ZMYND12: variants seen among roughly 807,000 people sequenced by gnomAD.
ZMYND12 encodes zinc finger MYND-type containing 12, also known as zinc finger MYND domain-containing protein 12.
ZMYND12 carries 32 observed loss-of-function variants against 41.7 expected under a neutral mutation model. That is an observed-to-expected ratio of 0.77 (90% confidence interval 0.58 to 1.03). The LOEUF (loss-of-function observed/expected upper bound fraction) is 1.03. ZMYND12 is among the 50% of genes least tolerant of loss of function. The pLI, the probability that ZMYND12 is intolerant of heterozygous loss-of-function variation, is 0.00. For missense variants in ZMYND12, 424 were observed against 438.5 expected (o/e 0.97, Z 0.30); for synonymous variants, 148 against 164.8 (o/e 0.90, Z 0.78).
intron 3 of ZMYND12, among the ~76,000 whole-genome samples, chr1:42,441,919 C>T (rs1041725607): frequency 6.6e-6 from 1 of 152,162 alleles, no homozygotes; most frequent in Admixed American, 6.5e-5. Context: ...CGCACCCGGC[C>T]GTATTGTTTT....
At chr1:42,441,689 C>T (rs1344045927) in intron 3 of ZMYND12, among the ~76,000 whole-genome samples, 3 of 151,872 alleles carry the variant, frequency 2.0e-5, no homozygotes, top group African/African-American at 4.8e-5. Flanking sequence ...GGCGGGATCT[C>T]GGCTCACTGC....
intron 3 of ZMYND12, among the ~76,000 whole-genome samples, chr1:42,447,685 G>C (rs987713014): frequency 6.6e-6 from 1 of 152,124 alleles, no homozygotes; most frequent in Non-Finnish European, 1.5e-5. Flanking sequence ...GGGGATAAAA[G>C]TTCTTTATAT....
intron 4 of ZMYND12, among the ~76,000 whole-genome samples, chr1:42,438,860 G>A (rs908226534): frequency 6.6e-6 from 1 of 152,146 alleles, no homozygotes; most frequent in Non-Finnish European, 1.5e-5. Context: ...CTGACTCTAC[G>A]CTAACTCAGA....
rs535973680 is a variant in ZMYND12 at position 42,437,553 on chromosome 1, G to A, written c.595-1010C>T. ...TTTAAAGACAGAGTCTCCCTCTGTC[G>A]CCCAGGCTGGAGTGCAGTGGTGCGA... On this transcript the variant is annotated intron_variant, in intron 4 of 7. Coordinates refer to ENST00000372565, the MANE Select transcript of ZMYND12 (RefSeq NM_032257.5). Among the ~76,000 whole-genome samples, 20 of 149,228 alleles carry A rather than the reference G, an allele frequency of 1.3e-4. No individual in the cohort carries two copies. In the East Asian group the frequency reaches 2.4e-3, roughly 18 times the overall value.
Position 42,448,656 on chromosome 1 carries a change from A to G in ZMYND12, c.253-18T>C. The G allele has an allele frequency of 6.3e-7, 1 of 1,585,160 alleles. No individual in the cohort carries two copies. Among genetic ancestry groups the G allele is most frequent in the East Asian group, 2.3e-5 (1 of 44,044 alleles). ...AAATACTTCTGTGGAAGAGAGAAACAGACTATCTGAGACAGTCTAAAGTTA... is the reference window on the plus strand; with the variant it reads ...AAATACTTCTGTGGAAGAGAGAAACGGACTATCTGAGACAGTCTAAAGTTA... On this transcript the variant is annotated intron_variant, in intron 2 of 7. Transcript: ENST00000372565.
At chr1:42,435,960 C>T (rs1642904240) in intron 5 of ZMYND12, among the ~76,000 whole-genome samples, 1 of 152,176 alleles carries the variant, frequency 6.6e-6, no homozygotes, top group South Asian at 2.1e-4. Context: ...ATGGATACAG[C>T]TGACATTTTA....
chr1:42,430,708 T>C lies in ZMYND12; in HGVS notation c.*28A>G. 6.2e-7 allele frequency: 1 copy of C among 1,611,010 alleles called. No homozygotes were observed. The highest frequency in any genetic ancestry group is 2.2e-5 in the East Asian group (1 of 44,812). ...ATTAGATCTTCAGTAGCCCCTGGAATAACCCTTGATGCAGAGCTCATGGGT... is the reference window on the plus strand; with the variant it reads ...ATTAGATCTTCAGTAGCCCCTGGAACAACCCTTGATGCAGAGCTCATGGGT... On this transcript the variant is annotated 3_prime_UTR_variant, in exon 8 of 8. Coordinates refer to ENST00000372565, the MANE Select transcript of ZMYND12 (RefSeq NM_032257.5).
rs1642837497 is a variant in ZMYND12 at position 42,430,672 on chromosome 1, G to A, written c.*64C>T. 1 of 1,592,778 alleles carries A rather than the reference G, an allele frequency of 6.3e-7. No individual in the cohort carries two copies. The highest frequency in any genetic ancestry group is 2.3e-5 in the East Asian group (1 of 44,422). The stretch of plus-strand genomic sequence containing the variant: ...ACAGTACCTCAAAGCAGTTGTGCAA[G>A]GCTGGAATATATTAGATCTTCAGTA... On this transcript the variant is annotated 3_prime_UTR_variant, in exon 8 of 8. Transcript: ENST00000372565.
rs928619319 is a variant in ZMYND12 at position 42,435,559 on chromosome 1, A to G, written c.718-174T>C. 3 of 540,662 alleles carry G rather than the reference A, an allele frequency of 5.5e-6. No individual in the cohort carries two copies. In the African/African-American group the frequency reaches 5.7e-5, roughly 10 times the overall value. 33.5% of individuals were successfully genotyped at this position (540,662 alleles called of 1,614,324 possible). On this transcript the variant is annotated intron_variant, in intron 5 of 7. Coordinates refer to ENST00000372565, the MANE Select transcript of ZMYND12 (RefSeq NM_032257.5). ...GAGCCCAAACAGGCCTGGCCAAGGT[A>G]AGTGTGACAAGTGATGGGCTGAAAA...
chr1:42,452,951 T>C (rs577480606), intron 1 of ZMYND12, among the ~76,000 whole-genome samples: 62 of 151,784 alleles, frequency 4.1e-4, no homozygotes, highest in African/African-American at 1.4e-3. Context: ...GCAGTGAGCA[T>C]GAATTGCAAT....
chr1:42,455,739 C>G, intron 1 of ZMYND12, 149 bp downstream of exon 1: 1 of 597,706 alleles, frequency 1.7e-6, no homozygotes, highest in Non-Finnish European at 3.0e-6. Context: ...GACGAGGCCA[C>G]GGGAGTCTTA....
chr1:42,452,816 C>T (rs1643096839), intron 1 of ZMYND12, among the ~76,000 whole-genome samples: 1 of 152,162 alleles, frequency 6.6e-6, no homozygotes, highest in African/African-American at 2.4e-5. Context: ...AGATTACACA[C>T]AATATATAAA....
At chr1:42,454,233 A>G (rs1184507602) in intron 1 of ZMYND12, among the ~76,000 whole-genome samples, 1 of 152,244 alleles carries the variant, frequency 6.6e-6, no homozygotes, top group Non-Finnish European at 1.5e-5. Context: ...GTGAAGGTAG[A>G]GAAATAACCA....
chr1:42,436,001 A>C (rs182206746), intron 5 of ZMYND12, among the ~76,000 whole-genome samples: 1 of 152,372 alleles, frequency 6.6e-6, no homozygotes, highest in Non-Finnish European at 1.5e-5. Flanking sequence ...AATATTTTAC[A>C]TGTAAATATG....
intron 7 of ZMYND12, among the ~76,000 whole-genome samples, chr1:42,432,082 G>T (rs71654243): frequency 1.4e-5 from 2 of 138,264 alleles, no homozygotes; most frequent in Non-Finnish European, 3.1e-5. Flanking sequence ...TTTGAGACAG[G>T]ATCTTGCTCT....
In ZMYND12 at chr1:42,448,578, C is replaced by T. The variant is rs1169860057; in HGVS notation, c.313G>A (p.Glu105Lys). Residue 105 changes from glutamate (E) to lysine (K), a missense_variant, in exon 3 of 8, where the codon GAA becomes AAA. Coordinates refer to ENST00000372565, the MANE Select transcript of ZMYND12 (RefSeq NM_032257.5). ...AQKYLFEGKH[E>K]DAVPAALQSL... ...TGCAAAGCTGCTGGTACAGCATCTTCGTGTTTCCCTTCAAAGAGGTATTTC... is the reference window on the plus strand; with the variant it reads ...TGCAAAGCTGCTGGTACAGCATCTTTGTGTTTCCCTTCAAAGAGGTATTTC... 4 of 1,613,712 alleles carry T rather than the reference C, an allele frequency of 2.5e-6. No homozygotes were observed. The highest frequency in any genetic ancestry group is 1.1e-5 in the South Asian group (1 of 90,982).
At chr1:42,441,411 C>T (rs1346455475) in intron 3 of ZMYND12, among the ~76,000 whole-genome samples, 1 of 152,166 alleles carries the variant, frequency 6.6e-6, no homozygotes, top group Non-Finnish European at 1.5e-5. Flanking sequence ...TATAAGGATG[C>T]TCAAGGCTCT....
chr1:42,436,146 G>A (rs1642905894), intron 5 of ZMYND12, among the ~76,000 whole-genome samples: 2 of 152,180 alleles, frequency 1.3e-5, no homozygotes, highest in Admixed American at 1.3e-4. Flanking sequence ...GCATACAACA[G>A]TCTATCTGAA....
chr1:42,455,287 C>T (rs1431033910), intron 1 of ZMYND12, among the ~76,000 whole-genome samples: 1 of 152,048 alleles, frequency 6.6e-6, no homozygotes. Context: ...CATACTGCCC[C>T]ATTCACTATC....
Sources: allele counts gnomAD v4.1 joint callset (sites outside exome capture counted in the v4.1 genomes callset), GRCh38; gene constraint gnomAD v4.1.1; transcripts MANE v1.5; gene names NCBI Gene and HGNC (gene_info 2026-07-23, HGNC 2026-07-21).